The following EPHB1 variants were observed in gnomAD, a reference collection of about 807,000 sequenced individuals.
The protein encoded by EPHB1 is ephrin type-B receptor 1.
EPHB1 carries 30 observed loss-of-function variants against 94.4 expected under a neutral mutation model. The observed-to-expected ratio is 0.32, with a 90% CI of 0.24 to 0.43. The LOEUF is 0.43. Among genes scored for constraint, EPHB1 ranks in the 20% least tolerant of loss-of-function variants. EPHB1 has a pLI of 1.00. For synonymous variants in EPHB1, 522 were observed against 489.1 expected, an observed-to-expected ratio of 1.07 and a Z score of -0.89; for missense variants, 1,055 against 1,308.3, an observed-to-expected ratio of 0.81 and a Z score of 2.99.
At chr3:135,069,814 A>T (rs1300230651) in intron 3 of EPHB1, among the ~76,000 whole-genome samples, 1 of 152,106 alleles carries the variant, frequency 6.6e-6, no homozygotes, top group Non-Finnish European at 1.5e-5. Flanking sequence ...GAGTCCCACC[A>T]ATACATGATT....
intron 1 of EPHB1, among the ~76,000 whole-genome samples, chr3:134,817,247 T>C (rs762510434): frequency 2.0e-5 from 3 of 152,114 alleles, no homozygotes; most frequent in African/African-American, 2.4e-5. Flanking sequence ...GCCCCAGGAA[T>C]TGGGGGGCAC....
intron 1 of EPHB1, among the ~76,000 whole-genome samples, chr3:134,914,852 A>G (rs564746931): frequency 1.3e-5 from 2 of 152,226 alleles, no homozygotes; most frequent in South Asian, 2.1e-4. Context: ...GGCTGCAGCT[A>G]TAGGAGGGGC....
chr3:135,106,119 A>G (rs1473637226), intron 3 of EPHB1, among the ~76,000 whole-genome samples: 1 of 152,192 alleles, frequency 6.6e-6, no homozygotes, highest in Non-Finnish European at 1.5e-5. Context: ...GGGAGTAACC[A>G]TTTATAGAGC....
At chr3:134,952,467 A>G (rs1361896308) in intron 3 of EPHB1, among the ~76,000 whole-genome samples, 1 of 151,946 alleles carries the variant, frequency 6.6e-6, no homozygotes, top group Admixed American at 6.6e-5. Flanking sequence ...TTGGGTTGCC[A>G]TGGACAATTC....
intron 3 of EPHB1, among the ~76,000 whole-genome samples, chr3:135,011,615 G>T (rs943738972): frequency 6.6e-6 from 1 of 152,150 alleles, no homozygotes; most frequent in Admixed American, 6.5e-5. Context: ...CAGCCAGGAG[G>T]CAGTGAAGAT....
At chr3:135,166,844 G>T in intron 8 of EPHB1, 98 bp from the exon 9 acceptor site, 1 of 1,272,612 alleles carries the variant, frequency 7.9e-7, no homozygotes. Context: ...GAGATGCCCC[G>T]GGTGAGCCCC....
chr3:135,240,998 G>C (rs773871584), intron 12 of EPHB1, 150 bp from the exon 13 acceptor site: 17 of 932,182 alleles, frequency 1.8e-5, no homozygotes, highest in Non-Finnish European at 2.8e-5. Context: ...CAGCAACATA[G>C]CTTGTGCACG....
chr3:135,042,988 T>C (rs2107766981), intron 3 of EPHB1, among the ~76,000 whole-genome samples: 1 of 152,162 alleles, frequency 6.6e-6, no homozygotes, highest in Admixed American at 6.5e-5. Flanking sequence ...ACTACAGGCA[T>C]ACGCCACCAT....
intron 4 of EPHB1, among the ~76,000 whole-genome samples, chr3:135,122,362 G>T (rs1413684334): frequency 6.6e-6 from 1 of 152,242 alleles, no homozygotes; most frequent in East Asian, 1.9e-4. Context: ...CATTTCAGGG[G>T]TATGAAAGGG....
intron 3 of EPHB1, among the ~76,000 whole-genome samples, chr3:135,010,997 AT>A (rs1935601435): frequency 6.6e-6 from 1 of 151,990 alleles, no homozygotes; most frequent in Non-Finnish European, 1.5e-5. Context: ...CCCAGATTCC[AT>A]TTTCAGGTTA....
At chr3:135,154,432 C>A in intron 6 of EPHB1, 156 bp downstream of exon 6, 1 of 1,050,982 alleles carries the variant, frequency 9.5e-7, no homozygotes, top group Non-Finnish European at 1.3e-6. Flanking sequence ...TCCAGGTCTG[C>A]CCTGACAAAG....
At chr3:135,034,981 C>T (rs930667388) in intron 3 of EPHB1, among the ~76,000 whole-genome samples, 9 of 152,198 alleles carry the variant, frequency 5.9e-5, no homozygotes, top group East Asian at 1.9e-4. Flanking sequence ...GTATGAAAGG[C>T]GGAGAAGAAA....
chr3:134,913,984 A>G lies in EPHB1; in HGVS notation c.59-11832A>G, dbSNP rs141462559. ...AAGTCCATCCCAGATGCCCTCATGC[A>G]TGGTGTATGTGGGGAGGTGGAGGCT... On this transcript the variant is annotated intron_variant, in intron 1 of 15. Transcript: ENST00000398015. 5.1e-4 allele frequency among the ~76,000 whole-genome samples: 77 copies of G among 152,288 alleles called. 2 individuals carry two copies. In the East Asian group the frequency reaches 0.013, roughly 26 times the overall value.
intron 1 of EPHB1, among the ~76,000 whole-genome samples, chr3:134,904,515 G>T (rs151041436): frequency 3.6e-4 from 55 of 152,212 alleles, no homozygotes; most frequent in Middle Eastern, 3.4e-3. Context: ...CACCATGGGG[G>T]TGGACATTTC....
chr3:135,241,117 T>C (rs773077240), intron 12 of EPHB1, 31 bp from the exon 13 acceptor site: 10 of 1,613,938 alleles, frequency 6.2e-6, no homozygotes, highest in Admixed American at 5.0e-5. Context: ...AACCTGATTG[T>C]TGGGCTGACC....
chr3:134,798,506 C>T (rs983285344), intron 1 of EPHB1, among the ~76,000 whole-genome samples: 1 of 152,186 alleles, frequency 6.6e-6, no homozygotes, highest in African/African-American at 2.4e-5. Flanking sequence ...CATTTCCAGC[C>T]AGTTCTGCTC....
intron 12 of EPHB1, 124 bp from the exon 13 acceptor site, chr3:135,241,024 G>A: frequency 8.6e-7 from 1 of 1,168,998 alleles, no homozygotes; most frequent in Non-Finnish European, 1.2e-6. Flanking sequence ...AGAATAGCCT[G>A]TCTGTCATAA....
intron 10 of EPHB1, among the ~76,000 whole-genome samples, chr3:135,191,618 T>A (rs1022756800): frequency 3.9e-5 from 6 of 152,078 alleles, no homozygotes; most frequent in Admixed American, 3.9e-4. Flanking sequence ...TGAAAGCATG[T>A]TAAACAGGAT....
chr3:135,084,504 C>T (rs1298161250), intron 3 of EPHB1, among the ~76,000 whole-genome samples: 2 of 152,118 alleles, frequency 1.3e-5, no homozygotes, highest in African/African-American at 2.4e-5. Flanking sequence ...CGGAGGTGTG[C>T]GCTGACTGGC....
Sources: allele counts gnomAD v4.1 joint callset (sites outside exome capture counted in the v4.1 genomes callset), GRCh38; gene constraint gnomAD v4.1.1; transcripts MANE v1.5; gene names NCBI Gene and HGNC (gene_info 2026-07-23, HGNC 2026-07-21).